INSIG1: variants seen among roughly 807,000 people sequenced by gnomAD.
INSIG1 encodes the protein insulin-induced gene 1 protein.
Under a neutral mutation model 26.5 loss-of-function variants are expected in INSIG1, and 14 were observed. The ratio of observed to expected loss-of-function variants is 0.53; its 90% CI spans 0.35 to 0.83. INSIG1 has a LOEUF of 0.83. Ranked by LOEUF, INSIG1 falls within the 40% of genes least tolerant of loss-of-function variation. The pLI, the probability that INSIG1 is intolerant of heterozygous loss-of-function variation, is 0.01. For synonymous variants in INSIG1, 147 were observed against 153.3 expected (o/e 0.96, Z 0.30); for missense variants, 272 against 368.9 (o/e 0.74, Z 2.15).
rs1208689012 is a variant in INSIG1 at position 155,309,581 on chromosome 7, A to T, written c.*1311A>T. On this transcript the variant is annotated 3_prime_UTR_variant, in exon 6 of 6. Transcript: ENST00000340368. ...TTTGGTTTGTTTTAAATTCTGTGAAAGTGGCTTGATTAAAAGACTCCTTTT... is the reference window on the plus strand; with the variant it reads ...TTTGGTTTGTTTTAAATTCTGTGAATGTGGCTTGATTAAAAGACTCCTTTT... 6.6e-6 allele frequency: 1 copy of T among 152,232 alleles called. No homozygotes were observed. The allele number at this position is 152,232 out of a possible 1,614,324, so 9.4% of individuals were successfully genotyped here. A position where few individuals can be genotyped will look rare whatever the true frequency, so the allele number is the denominator to read the frequency against.
rs543550949 is a variant in INSIG1, at chr7:155,297,954, G to T, written c.-33G>T. The T allele has an allele frequency of 4.2e-4, 89 of 209,428 alleles. No homozygotes were observed. The highest frequency in any genetic ancestry group is 1.8e-3 in the African/African-American group (78 of 43,540). 13.0% of individuals were successfully genotyped at this position (209,428 alleles called of 1,614,324 possible). Reference sequence around the variant, plus strand: ...GAGAGCCGGCGGGCGGGCGCCTCTCGGCCAGGTACGCGGCCGGCTGGGATA... The same window carrying T: ...GAGAGCCGGCGGGCGGGCGCCTCTCTGCCAGGTACGCGGCCGGCTGGGATA... On this transcript the variant is annotated 5_prime_UTR_variant, in exon 1 of 6. Transcript: ENST00000340368.
At chr7:155,301,772 T>A in intron 3 of INSIG1, 82 bp downstream of exon 3, 1 of 1,301,384 alleles carries the variant, frequency 7.7e-7, no homozygotes, top group Non-Finnish European at 1.0e-6. Flanking sequence ...TATACTCAAA[T>A]GACTCCATGT....
At position 155,302,236 on chromosome 7, in the gene INSIG1, C is replaced by T. The variant is rs1797809648; in HGVS notation, c.538-15C>T. ...TAAGAGTCAGCAAACTTTTCCTTAA[C>T]TTTTATATCACCAGAAATTGGATTT... On this transcript the variant is annotated splice_polypyrimidine_tract_variant and intron_variant, in intron 3 of 5. Transcript: ENST00000340368. This position sits in a 1 kb window ranked among gnomAD's most constrained non-coding sequence, Gnocchi z 4.3. 2.7e-5 allele frequency: 41 copies of T among 1,539,838 alleles called. No homozygotes were observed. Among genetic ancestry groups the T allele is most frequent in the Non-Finnish European group, 3.4e-5 (39 of 1,145,862 alleles).
chr7:155,299,341 G>A (rs1797723302), intron 2 of INSIG1, among the ~76,000 whole-genome samples: 1 of 152,230 alleles, frequency 6.6e-6, no homozygotes, highest in African/African-American at 2.4e-5. Context: ...CATAGATGCT[G>A]TACAACGTAA....
At chr7:155,307,342 T>C (rs1274510205) in intron 5 of INSIG1, among the ~76,000 whole-genome samples, 2 of 152,242 alleles carry the variant, frequency 1.3e-5, no homozygotes. Flanking sequence ...CCGTCATTGC[T>C]GAAGGTGAGG....
At chr7:155,301,955 T>C (rs9690097) in intron 3 of INSIG1, among the ~76,000 whole-genome samples, 21,885 of 144,648 alleles carry the variant, frequency 0.15, 1,751 homozygotes, top group East Asian at 0.31. Context: ...ATATAATATA[T>C]ATAATAAATA....
In INSIG1 at chr7:155,308,495, C is replaced by T. The variant is rs1797998280; in HGVS notation, c.*225C>T. ...CTGCCCGCACTGGCGCCTGTCTGTG[C>T]CCTGGAGCATTCTGCCCAGGCTACG... On this transcript the variant is annotated 3_prime_UTR_variant, in exon 6 of 6. Transcript: ENST00000340368. 6 of 600,002 alleles carry T rather than the reference C, an allele frequency of 1.0e-5. No homozygotes were observed. Among genetic ancestry groups the T allele is most frequent in the Non-Finnish European group, 1.8e-5 (6 of 329,726 alleles). The allele number at this position is 600,002 out of a possible 1,614,324, so 37.2% of individuals were successfully genotyped here. A position where few individuals can be genotyped will look rare whatever the true frequency, so the allele number is the denominator to read the frequency against.
Position 155,302,846 on chromosome 7 carries a change from G to A in INSIG1, c.804G>A (p.Met268Ile). The A allele has an allele frequency of 1.3e-6, 2 of 1,577,450 alleles. No individual in the cohort carries two copies. The highest frequency in any genetic ancestry group is 1.7e-6 in the Non-Finnish European group (2 of 1,147,078). ...GGAACATAGGACGACAGTTAGCTAT[G>A]GTAAGTGAAATGATCATATTATCTT... ...TVGNIGRQLA[M>I]GVPEKPHSD Residue 268 changes from methionine (M) to isoleucine (I), a missense_variant and splice_region_variant, in exon 5 of 6, where the codon ATG becomes ATA. Around this residue, in one of 2 missense-constraint regions of INSIG1, gnomAD observed 111 missense variants for 189.8 expected, o/e 0.58. Transcript: ENST00000340368. This position sits in a 1 kb window ranked among gnomAD's most constrained non-coding sequence, Gnocchi z 4.3.
In INSIG1 at chr7:155,298,354, G is replaced by T; in HGVS notation, c.69G>T (p.Pro23=). ...CAHSARRRGP[P]RASAAGLAAK... is the part of the protein sequence containing the mutation. ...ACAGCGCGAGGCGCCGAGGCCCCCCGCGAGCCAGCGCCGCGGGGCTGGCGG... is the reference window on the plus strand; with the variant it reads ...ACAGCGCGAGGCGCCGAGGCCCCCCTCGAGCCAGCGCCGCGGGGCTGGCGG... Residue 23 remains proline (P), a synonymous_variant, in exon 2 of 6, where the codon CCG becomes CCT. Coordinates refer to ENST00000340368, the MANE Select transcript of INSIG1 (RefSeq NM_005542.6). 1.3e-6 allele frequency: 2 copies of T among 1,511,008 alleles called. No individual in the cohort carries two copies. Among genetic ancestry groups the T allele is most frequent in the Non-Finnish European group, 1.8e-6 (2 of 1,138,226 alleles). The allele number at this position is 1,511,008 out of a possible 1,614,324, so 93.6% of individuals were successfully genotyped here.
At chr7:155,304,070 C>T (rs548109197) in intron 5 of INSIG1, among the ~76,000 whole-genome samples, 1 of 150,916 alleles carries the variant, frequency 6.6e-6, no homozygotes, top group East Asian at 2.0e-4. Context: ...CTCAAGCAAT[C>T]CTCCCGCTTC....
intron 5 of INSIG1, among the ~76,000 whole-genome samples, chr7:155,307,232 G>A (rs1160900649): frequency 6.6e-6 from 1 of 152,154 alleles, no homozygotes; most frequent in Non-Finnish European, 1.5e-5. Flanking sequence ...GTGTCCCCAG[G>A]GTAGTAACTG....
Position 155,298,582 on chromosome 7 carries a change from C to T in INSIG1, c.297C>T (p.Ala99=), listed in dbSNP as rs771528311. Residue 99 remains alanine, a synonymous_variant, in exon 2 of 6, where the codon GCC becomes GCT. Transcript: ENST00000340368. The part of the protein sequence containing the change: ...LVLFSVGVVL[A]LVLNLLQIQR... The stretch of plus-strand genomic sequence containing the variant: ...TCTTCTCGGTTGGGGTGGTCCTAGC[C>T]CTGGTGCTCAACCTGCTGCAGATCC... 1.4e-5 allele frequency: 22 copies of T among 1,612,382 alleles called. No individual in the cohort carries two copies. The highest frequency in any genetic ancestry group is 1.9e-5 in the Non-Finnish European group (22 of 1,179,498).
chr7:155,299,286 G>GTAA (rs1797721555), intron 2 of INSIG1, among the ~76,000 whole-genome samples: 2 of 152,210 alleles, frequency 1.3e-5, no homozygotes, highest in Non-Finnish European at 2.9e-5. Context: ...AAGGAAAAGA[G>GTAA]TAACCCCCTT....
chr7:155,300,032 G>A (rs1368003396), intron 2 of INSIG1, among the ~76,000 whole-genome samples: 1 of 152,196 alleles, frequency 6.6e-6, no homozygotes, highest in East Asian at 1.9e-4. Flanking sequence ...ATTTGTTCTC[G>A]GAGGGACGGG....
At chr7:155,299,971 G>A (rs1482046588) in intron 2 of INSIG1, among the ~76,000 whole-genome samples, 1 of 152,076 alleles carries the variant, frequency 6.6e-6, no homozygotes, top group African/African-American at 2.4e-5. Context: ...CCGTGTTGAA[G>A]AACTAGGACA....
Position 155,298,327 on chromosome 7 carries a change from G to A in INSIG1, c.42G>A (p.Ala14=). ...ACCACTTCTGGAGCTGCTCCTGTGC[G>A]CACAGCGCGAGGCGCCGAGGCCCCC... ...LHDHFWSCSC[A]HSARRRGPPR... Residue 14 remains alanine, a synonymous_variant, in exon 2 of 6, where the codon GCG becomes GCA. Transcript: ENST00000340368. 6.6e-7 allele frequency: 1 copy of A among 1,509,790 alleles called. No individual in the cohort carries two copies. Among genetic ancestry groups the A allele is most frequent in the South Asian group, 1.4e-5 (1 of 73,570 alleles). 93.5% of individuals were successfully genotyped at this position (1,509,790 alleles called of 1,614,324 possible).
At position 155,302,157 on chromosome 7, in the gene INSIG1, A is replaced by G; in HGVS notation, c.538-94A>G. The stretch of plus-strand genomic sequence containing the variant: ...TGGACAGTGAATTATCTGTGGTACA[A>G]TAATAAAATACCCATGTTTTTAACC... On this transcript the variant is annotated intron_variant, in intron 3 of 5. Transcript: ENST00000340368. This position sits in a 1 kb window ranked among gnomAD's most constrained non-coding sequence, Gnocchi z 4.3. 1 of 941,410 alleles carries G rather than the reference A, an allele frequency of 1.1e-6. No homozygotes were observed. The highest frequency in any genetic ancestry group is 1.6e-6 in the Non-Finnish European group (1 of 641,774). 58.3% of individuals were successfully genotyped at this position (941,410 alleles called of 1,614,324 possible).
chr7:155,298,415 G>C lies in INSIG1; in HGVS notation c.130G>C (p.Gly44Arg). The C allele has an allele frequency of 6.4e-7, 1 of 1,558,738 alleles. No individual in the cohort carries two copies. The highest frequency in any genetic ancestry group is 1.4e-5 in the African/African-American group (1 of 73,724). The change falls in exon 2 of 6, where the codon GGG becomes CGG. Residue 44 changes from glycine (G) to arginine (R), a missense_variant. This residue lies in a region of INSIG1 where 161 missense variants were observed against 179.2 expected (regional missense o/e 0.90). Coordinates refer to ENST00000340368, the MANE Select transcript of INSIG1 (RefSeq NM_005542.6). ...GGAGATGATCAACGTTTCCGTGTCC[G>C]GGCCCTCCCTGCTGGCGGCCCACGG... ...VGEMINVSVS[G>R]PSLLAAHGAP...
At position 155,302,646 on chromosome 7, in the gene INSIG1, G is replaced by A; in HGVS notation, c.705-101G>A. ...ATATGAACATTCGTAACATTGGATG[G>A]TTGATATGCGTTCTGCATATCCCCA... is the stretch of plus-strand genomic sequence containing the variant. On this transcript the variant is annotated intron_variant, in intron 4 of 5. Coordinates refer to ENST00000340368, the MANE Select transcript of INSIG1 (RefSeq NM_005542.6). The surrounding 1 kb of genome is among the most constrained non-coding windows in gnomAD (Gnocchi z 4.3). The A allele has an allele frequency of 1.1e-6, 1 of 928,658 alleles. No individual in the cohort carries two copies. The highest frequency in any genetic ancestry group is 1.7e-6 in the Non-Finnish European group (1 of 581,722). 57.5% of individuals were successfully genotyped at this position (928,658 alleles called of 1,614,324 possible).
Sources: allele counts gnomAD v4.1 joint callset (sites outside exome capture counted in the v4.1 genomes callset), GRCh38; gene constraint gnomAD v4.1.1; regional missense constraint gnomAD v4.1.1; non-coding constraint Gnocchi (gnomAD v3.1); transcripts MANE v1.5; gene names NCBI Gene and HGNC (gene_info 2026-07-23, HGNC 2026-07-21).